The following ZNG1A variants were observed in gnomAD, a reference collection of about 807,000 sequenced individuals.
ZNG1A encodes the protein zinc-regulated GTPase metalloprotein activator 1A.
At chr9:122,544 A>G in the ZNG1A span, 1 of 1,029,180 alleles carries the variant, frequency 9.7e-7, no homozygotes, top group Non-Finnish European at 1.2e-6. Flanking sequence ...ACAATGATGA[A>G]ATAAAGAAAA....
chr9:173,452 C>A, the ZNG1A span: 1 of 1,587,400 alleles, frequency 6.3e-7, no homozygotes, highest in Non-Finnish European at 8.6e-7. Context: ...TAATGGAGAT[C>A]TTAAAGCAGA....
chr9:127,704 C>A, the ZNG1A span, among the ~76,000 whole-genome samples: 2 of 152,032 alleles, frequency 1.3e-5, no homozygotes, highest in Non-Finnish European at 2.9e-5. Context: ...ATGTGAGGTA[C>A]CACTCTATTC....
At chr9:141,567 G>A in the ZNG1A span, among the ~76,000 whole-genome samples, 1 of 151,142 alleles carries the variant, frequency 6.6e-6, no homozygotes, top group Non-Finnish European at 1.5e-5. Context: ...GGAACAACCG[G>A]TACCAGCCGC....
At chr9:176,911 G>T in the ZNG1A span, among the ~76,000 whole-genome samples, 1 of 151,926 alleles carries the variant, frequency 6.6e-6, no homozygotes, top group Non-Finnish European at 1.5e-5. Flanking sequence ...ATTTATGCTG[G>T]GCCTTGGTGA....
At chr9:145,554 G>GGA in the ZNG1A span, among the ~76,000 whole-genome samples, 1 of 99,204 alleles carries the variant, frequency 1.0e-5, no homozygotes, top group East Asian at 5.8e-4. Flanking sequence ...GTTGTGGGGT[G>GGA]GGGGGAGGGG....
the ZNG1A span, chr9:167,124 G>C: frequency 3.3e-5 from 5 of 151,488 alleles, no homozygotes; most frequent in African/African-American, 1.2e-4. Flanking sequence ...CCTTCAAGGA[G>C]GTAGGGAGAA....
chr9:162,310 T>A, the ZNG1A span: 1 of 914,096 alleles, frequency 1.1e-6, no homozygotes, highest in South Asian at 1.8e-5. Flanking sequence ...GTTCAGGATA[T>A]CTTTTTGAGA....
At chr9:169,808 C>G in the ZNG1A span, among the ~76,000 whole-genome samples, 1 of 143,652 alleles carries the variant, frequency 7.0e-6, no homozygotes, top group Non-Finnish European at 1.5e-5. Context: ...GTTTTTTAGA[C>G]AATTCTATTA....
At chr9:175,358 CAG>C in the ZNG1A span, among the ~76,000 whole-genome samples, 1 of 151,218 alleles carries the variant, frequency 6.6e-6, no homozygotes, top group Admixed American at 6.6e-5. Flanking sequence ...AGCCTGGCGA[CAG>C]AGAGAGACTC....
chr9:168,806 G>A, the ZNG1A span, among the ~76,000 whole-genome samples: 1 of 150,188 alleles, frequency 6.7e-6, no homozygotes, highest in African/African-American at 2.5e-5. Flanking sequence ...AAGCCTAGAT[G>A]ACAGCACATC....
At chr9:156,146 T>TA in the ZNG1A span, among the ~76,000 whole-genome samples, 13 of 71,402 alleles carry the variant, frequency 1.8e-4, no homozygotes, top group African/African-American at 5.2e-4. Flanking sequence ...ATTATTATTA[T>TA]TATTATACAT....
At chr9:145,214 C>T in the ZNG1A span, among the ~76,000 whole-genome samples, 2 of 151,822 alleles carry the variant, frequency 1.3e-5, no homozygotes, top group Non-Finnish European at 1.5e-5. Flanking sequence ...CCCTAAAGGA[C>T]TATAAATCAT....
At chr9:155,780 C>A in the ZNG1A span, among the ~76,000 whole-genome samples, 1 of 151,374 alleles carries the variant, frequency 6.6e-6, no homozygotes, top group African/African-American at 2.4e-5. Flanking sequence ...CTATAATAAC[C>A]ATATTTTCAT....
the ZNG1A span, among the ~76,000 whole-genome samples, chr9:152,406 T>C: frequency 6.6e-6 from 1 of 152,178 alleles, no homozygotes; most frequent in Admixed American, 6.5e-5. Context: ...TCAGTTATCC[T>C]AGTGTTCTTA....
the ZNG1A span, among the ~76,000 whole-genome samples, chr9:156,196 T>C: frequency 6.8e-6 from 1 of 147,070 alleles, no homozygotes; most frequent in Admixed American, 6.8e-5. Context: ...AAAGAAATTG[T>C]ATAACAAGAA....
At chr9:163,784 G>T in the ZNG1A span, among the ~76,000 whole-genome samples, 2 of 151,628 alleles carry the variant, frequency 1.3e-5, no homozygotes, top group Admixed American at 6.6e-5. Flanking sequence ...AGGTACGATG[G>T]TGCACGCCTG....
the ZNG1A span, among the ~76,000 whole-genome samples, chr9:145,309 C>T: frequency 6.7e-6 from 1 of 150,240 alleles, no homozygotes; most frequent in Non-Finnish European, 1.5e-5. Flanking sequence ...AAATGTCCAA[C>T]AATGATAGAC....
the ZNG1A span, among the ~76,000 whole-genome samples, chr9:144,540 T>C: frequency 4.6e-5 from 7 of 152,008 alleles, no homozygotes; most frequent in African/African-American, 1.2e-4. Flanking sequence ...TATACAAAAA[T>C]CAATTCAACA....
chr9:177,044 A>G, the ZNG1A span, among the ~76,000 whole-genome samples: 1 of 152,132 alleles, frequency 6.6e-6, no homozygotes, highest in East Asian at 1.9e-4. Flanking sequence ...TCAATAGGAG[A>G]TGCACAAATT....
Sources: gnomAD v4.1 joint callset for allele counts (sites outside exome capture counted in the v4.1 genomes callset) on GRCh38, gnomAD v4.1.1 for gene constraint, MANE v1.5 for transcripts, NCBI Gene and HGNC (gene_info 2026-07-23, HGNC 2026-07-21) for gene names.